Variants in POF1B observed in about 807,000 individuals in gnomAD.
POF1B encodes the protein POF1B actin binding protein.
POF1B carries 53 observed loss-of-function variants against 55.3 expected under a neutral mutation model. The observed-to-expected ratio is 0.96, with a 90% CI of 0.77 to 1.20. The LOEUF (loss-of-function observed/expected upper bound fraction) is 1.20. Among genes scored for constraint, POF1B ranks in the 50% most tolerant of loss-of-function variants. The pLI, the probability that POF1B is intolerant of heterozygous loss-of-function variation, is 0.00. For synonymous variants in POF1B, 188 were observed against 148.3 expected, an observed-to-expected ratio of 1.27 and a Z score of -1.95; for missense variants, 478 against 420.5, an observed-to-expected ratio of 1.14 and a Z score of -1.20.
chrX:85,293,525 A>G (rs1170058839), intron 15 of POF1B, among the ~76,000 whole-genome samples: 2 of 111,926 alleles, frequency 1.8e-5, no homozygotes, highest in Non-Finnish European at 3.8e-5. Flanking sequence ...TAGAAGGTGG[A>G]AGGTGGGAGG....
At chrX:85,287,989 T>C (rs1389205181) in intron 15 of POF1B, among the ~76,000 whole-genome samples, 2 of 111,693 alleles carry the variant, frequency 1.8e-5, no homozygotes, top group East Asian at 2.8e-4. Context: ...TAGAAACTTA[T>C]GTTCGGGTTT....
At chrX:85,353,272 G>T (rs913133955) in intron 4 of POF1B, among the ~76,000 whole-genome samples, 4 of 111,099 alleles carry the variant, frequency 3.6e-5, no homozygotes, top group African/African-American at 9.8e-5. Context: ...ATATGTATGG[G>T]ACATACTTAG....
chrX:85,322,338 T>C (rs961802659), intron 7 of POF1B, among the ~76,000 whole-genome samples: 2 of 110,977 alleles, frequency 1.8e-5, no homozygotes, highest in African/African-American at 6.6e-5. Context: ...AAACAAGCAA[T>C]GGGGAAAGGA....
chrX:85,320,629 T>C (rs1463645871), intron 7 of POF1B, among the ~76,000 whole-genome samples: 1 of 111,308 alleles, frequency 9.0e-6, no homozygotes, highest in Non-Finnish European at 1.9e-5. Flanking sequence ...CAAAAAACCC[T>C]TCAAAAATTA....
chrX:85,324,595 T>C (rs1932877005), intron 7 of POF1B, among the ~76,000 whole-genome samples: 1 of 111,705 alleles, frequency 9.0e-6, no homozygotes, highest in African/African-American at 3.3e-5. Flanking sequence ...TTTGAGCCTA[T>C]GGGTGTCATT....
intron 6 of POF1B, 23 bp from the exon 7 acceptor site, chrX:85,331,102 T>C (rs758222874): frequency 5.9e-5 from 70 of 1,178,729 alleles, no homozygotes; most frequent in Non-Finnish European, 6.8e-5. Flanking sequence ...TCAATCACAA[T>C]TGTAAGCAAT....
intron 5 of POF1B, among the ~76,000 whole-genome samples, chrX:85,349,520 G>T (rs1276473475): frequency 1.8e-5 from 2 of 110,919 alleles, no homozygotes; most frequent in Admixed American, 1.9e-4. Context: ...CAAGTCATTA[G>T]GATGGCCCTA....
At chrX:85,288,019 A>G (rs905295511) in intron 15 of POF1B, among the ~76,000 whole-genome samples, 1 of 111,916 alleles carries the variant, frequency 8.9e-6, no homozygotes, top group African/African-American at 3.2e-5. Flanking sequence ...AGAATGGAGA[A>G]GTAAGGAGTT....
chrX:85,353,648 ATGTC>A (rs1933431053), intron 4 of POF1B, among the ~76,000 whole-genome samples: 1 of 111,064 alleles, frequency 9.0e-6, no homozygotes, highest in Admixed American at 9.6e-5. Context: ...TTACAAAAAA[ATGTC>A]TGGGTAGACA....
At chrX:85,362,379 T>C (rs1358010100) in intron 3 of POF1B, among the ~76,000 whole-genome samples, 2 of 111,580 alleles carry the variant, frequency 1.8e-5, no homozygotes, top group Non-Finnish European at 3.8e-5. Flanking sequence ...TGGCTATAGG[T>C]TTGTCACATA....
Position 85,379,306 on chromosome X carries a change from T to C in POF1B, c.149A>G (p.Glu50Gly), listed in dbSNP as rs749076507. 8.3e-7 allele frequency: 1 copy of C among 1,210,507 alleles called. No homozygotes were observed. Among genetic ancestry groups the C allele is most frequent in the Admixed American group, 2.2e-5 (1 of 45,805 alleles). The change falls in exon 2 of 17, where the codon GAG (glutamate) becomes GGG (glycine). Residue 50 changes from glutamate (E) to glycine (G), a missense_variant. Coordinates refer to ENST00000262753, the MANE Select transcript of POF1B (RefSeq NM_024921.4). ...GGGCCCACTGTAGGTCCTCACTCGC[T>C]CATACACTACATTTTTTTCTGGAGG... is the stretch of plus-strand genomic sequence containing the variant. ...QQPPEKNVVY[E>G]RVRTYSGPMN...
At chrX:85,282,496 C>A (rs914521367) in intron 15 of POF1B, among the ~76,000 whole-genome samples, 179 bp from the exon 16 acceptor site, 7 of 111,176 alleles carry the variant, frequency 6.3e-5, no homozygotes, top group Non-Finnish European at 1.3e-4. Context: ...AGATGTACAA[C>A]CATTATTTTC....
At chrX:85,340,872 G>T (rs1391358748) in intron 6 of POF1B, among the ~76,000 whole-genome samples, 1 of 110,842 alleles carries the variant, frequency 9.0e-6, no homozygotes, top group Non-Finnish European at 1.9e-5. Context: ...ATTAACAATA[G>T]ATACACAAAA....
rs779679308 is a variant in POF1B, at chrX:85,282,311, C to T, written c.1656G>A (p.Arg552=). ...GRTTITTKKY[R]TQYPILGLLY... ...GGAGGCCTAGGATTGGATATTGTGT[C>T]CTGTACCTGTTGGCAAGAAAAGAGT... The change falls in exon 16 of 17, where the codon AGG becomes AGA. Residue 552 remains arginine, a synonymous_variant. Coordinates refer to ENST00000262753, the MANE Select transcript of POF1B (RefSeq NM_024921.4). 15 of 1,124,698 alleles carry T rather than the reference C, an allele frequency of 1.3e-5. No homozygotes were observed. Among genetic ancestry groups the T allele is most frequent in the South Asian group, 2.2e-5 (1 of 44,732 alleles). The allele number at this position is 1,124,698 out of a possible 1,213,427, so 92.7% of individuals were successfully genotyped here.
chrX:85,316,908 T>C (rs2147913280), intron 7 of POF1B, among the ~76,000 whole-genome samples: 1 of 110,606 alleles, frequency 9.0e-6, no homozygotes, highest in Admixed American at 9.6e-5. Flanking sequence ...CCAGAGTCTG[T>C]TGTTCCCTTC....
At chrX:85,325,500 T>C (rs931707566) in intron 7 of POF1B, among the ~76,000 whole-genome samples, 2 of 112,411 alleles carry the variant, frequency 1.8e-5, no homozygotes, top group Admixed American at 9.4e-5. Context: ...GAAATTCTTA[T>C]AGCGTGTTTT....
intron 1 of POF1B, 69 bp from the exon 2 acceptor site, chrX:85,379,564 GAC>G (rs1933979998): frequency 1.3e-6 from 1 of 795,243 alleles, no homozygotes; most frequent in Admixed American, 3.3e-5. Context: ...CAGGCAGACA[GAC>G]ACACGACACA....
rs1002113559 is a variant in POF1B at position 85,313,827 on chromosome X, CT to C, written c.957+604del. Among the ~76,000 whole-genome samples the C allele has an allele frequency of 3.7e-5, 4 of 107,964 alleles. No homozygotes were observed. The South Asian group carries it at 1.6e-3, about 42-fold the overall frequency. The allele number at this position is 107,964 out of a possible 115,157, so 93.8% of individuals were successfully genotyped here. On this transcript the variant is annotated intron_variant, in intron 9 of 16. Transcript: ENST00000262753. ...TCCTGGGCTTTTTCTTTTCTTTTTT[CT>C]TTTTTTTTGGTTGGTAGGCTATTAA...
At chrX:85,359,476 G>C in intron 4 of POF1B, 74 bp downstream of exon 4, 1 of 730,068 alleles carries the variant, frequency 1.4e-6, no homozygotes, top group Non-Finnish European at 2.1e-6. Flanking sequence ...TAAGGATCTG[G>C]TAACTGATTA....
Sources: allele counts gnomAD v4.1 joint callset (sites outside exome capture counted in the v4.1 genomes callset), GRCh38; gene constraint gnomAD v4.1.1; transcripts MANE v1.5; gene names NCBI Gene and HGNC (gene_info 2026-07-23, HGNC 2026-07-21).